PLEKHH2: variants seen among roughly 807,000 people sequenced by gnomAD.
PLEKHH2 encodes the protein pleckstrin homology, MyTH4 and FERM domain containing H2.
Under a neutral mutation model 187.9 loss-of-function variants are expected in PLEKHH2, and 129 were observed. The observed-to-expected ratio is 0.69, with a 90% CI of 0.59 to 0.79. The LOEUF is 0.79. Ranked by LOEUF, PLEKHH2 falls within the 30% of genes least tolerant of loss-of-function variation. The probability of loss-of-function intolerance (pLI) is 0.00; values close to 1 mark genes in which losing one functional copy is unlikely to be tolerated. For synonymous variants in PLEKHH2, 686 were observed against 605.6 expected, an observed-to-expected ratio of 1.13 and a Z score of -1.95; for missense variants, 2,076 against 1,751.2, an observed-to-expected ratio of 1.19 and a Z score of -3.31.
chr2:43,684,539 C>T (rs975367903), intron 3 of PLEKHH2, among the ~76,000 whole-genome samples: 3 of 151,988 alleles, frequency 2.0e-5, no homozygotes, highest in Admixed American at 6.6e-5. Flanking sequence ...ACCCGCCCCC[C>T]ACCGACCCCT....
intron 2 of PLEKHH2, among the ~76,000 whole-genome samples, chr2:43,671,310 A>G (rs1400539688): frequency 2.0e-5 from 3 of 152,184 alleles, no homozygotes; most frequent in Non-Finnish European, 4.4e-5. Flanking sequence ...ATATAGAAAT[A>G]CAACAGATTT....
chr2:43,765,121 C>T (rs562140024), intron 29 of PLEKHH2, among the ~76,000 whole-genome samples: 1 of 152,308 alleles, frequency 6.6e-6, no homozygotes, highest in African/African-American at 2.4e-5. Flanking sequence ...ACTAATGTGG[C>T]TTTATGATAA....
intron 3 of PLEKHH2, among the ~76,000 whole-genome samples, chr2:43,687,539 C>G (rs910654027): frequency 6.6e-6 from 1 of 152,158 alleles, no homozygotes; most frequent in Non-Finnish European, 1.5e-5. Context: ...TCAAATGGTA[C>G]TTCTGTTTCT....
chr2:43,655,299 AT>A (rs772641189), intron 2 of PLEKHH2, among the ~76,000 whole-genome samples: 61 of 152,280 alleles, frequency 4.0e-4, no homozygotes, highest in African/African-American at 1.3e-3. Flanking sequence ...CAACAAAAAA[AT>A]ATCTGTATAG....
At chr2:43,704,806 T>G (rs1251310281) in intron 9 of PLEKHH2, among the ~76,000 whole-genome samples, 2 of 152,056 alleles carry the variant, frequency 1.3e-5, no homozygotes, top group Non-Finnish European at 2.9e-5. Flanking sequence ...TTCATTGGAA[T>G]AAAGAGTTGT....
In PLEKHH2 at chr2:43,762,307, A is replaced by G. The variant is rs1297046593; in HGVS notation, c.4075A>G (p.Ile1359Val). The part of the protein sequence containing the change: ...FGAKLFLAKP[I>V]TPSSLGSTFL... ...GTGTATTTTCACCTCTTCATAGCCC[A>G]TAACTCCATCATCACTTGGAAGTAC... Residue 1359 changes from isoleucine (I) to valine (V), a missense_variant, in exon 28 of 30, where the codon ATA becomes GTA. Ile to Val is a conservative substitution (Grantham distance 29). Transcript: ENST00000282406. 7 of 1,609,710 alleles carry G rather than the reference A, an allele frequency of 4.3e-6. No individual in the cohort carries two copies. The highest frequency in any genetic ancestry group is 4.3e-6 in the Non-Finnish European group (5 of 1,176,090).
intron 24 of PLEKHH2, among the ~76,000 whole-genome samples, chr2:43,751,369 G>A (rs1185630289): frequency 6.6e-6 from 1 of 152,144 alleles, no homozygotes; most frequent in Admixed American, 6.5e-5. Context: ...AGTGAAGGAA[G>A]GGTGAACAGA....
intron 2 of PLEKHH2, among the ~76,000 whole-genome samples, chr2:43,658,515 A>G (rs1336004541): frequency 2.0e-5 from 3 of 152,238 alleles, no homozygotes; most frequent in Non-Finnish European, 4.4e-5. Flanking sequence ...ATGAGGTTGC[A>G]GTCAAAATGT....
chr2:43,637,713 G>A (rs1403557500), intron 1 of PLEKHH2, among the ~76,000 whole-genome samples: 1 of 152,292 alleles, frequency 6.6e-6, no homozygotes, highest in East Asian at 1.9e-4. Flanking sequence ...AGCGGTCCCG[G>A]GGGCGCAGCG....
chr2:43,739,851 C>T (rs1208602909), intron 20 of PLEKHH2, among the ~76,000 whole-genome samples: 1 of 152,222 alleles, frequency 6.6e-6, no homozygotes, highest in Non-Finnish European at 1.5e-5. Context: ...CTTCCGTAGA[C>T]TTTATAGTCC....
chr2:43,731,461 T>G (rs1469404113), intron 18 of PLEKHH2, 29 bp from the exon 19 acceptor site: 1 of 1,421,672 alleles, frequency 7.0e-7, no homozygotes, highest in East Asian at 2.3e-5. Flanking sequence ...TTTATTCAGT[T>G]TTCTGTTCAT....
chr2:43,765,331 C>T (rs1363108478), intron 29 of PLEKHH2, 82 bp from the exon 30 acceptor site: 2 of 1,359,896 alleles, frequency 1.5e-6, no homozygotes, highest in African/African-American at 2.9e-5. Flanking sequence ...AAATGGAGCT[C>T]ACCTGTGGCC....
chr2:43,702,217 A>G (rs1222665260), intron 8 of PLEKHH2, among the ~76,000 whole-genome samples: 1 of 152,202 alleles, frequency 6.6e-6, no homozygotes, highest in Non-Finnish European at 1.5e-5. Context: ...TTTGTGACTG[A>G]TGCAGTTTTA....
intron 15 of PLEKHH2, among the ~76,000 whole-genome samples, chr2:43,713,118 G>A (rs377040795): frequency 2.9e-5 from 3 of 102,588 alleles, no homozygotes; most frequent in Non-Finnish European, 6.2e-5. Context: ...ACACACACAC[G>A]CATATATATC....
intron 8 of PLEKHH2, 82 bp from the exon 9 acceptor site, chr2:43,703,899 T>A: frequency 2.4e-6 from 2 of 828,702 alleles, no homozygotes; most frequent in Non-Finnish European, 3.8e-6. Flanking sequence ...ATGAAAAACA[T>A]GTGTATTGAA....
intron 4 of PLEKHH2, 29 bp downstream of exon 4, chr2:43,692,692 AGT>A (rs769275171): frequency 6.3e-7 from 1 of 1,599,968 alleles, no homozygotes; most frequent in Admixed American, 1.7e-5. Context: ...AAGAGTTCTA[AGT>A]GTGTGCACTC....
At position 43,728,690 on chromosome 2, in the gene PLEKHH2, C is replaced by T. The variant is rs1252569063; in HGVS notation, c.2722-947C>T. Among the ~76,000 whole-genome samples the T allele has an allele frequency of 1.3e-5, 2 of 150,854 alleles. 1 individual carries two copies. Among genetic ancestry groups the T allele is most frequent in the South Asian group, 4.2e-4 (2 of 4,746 alleles). ...GATTCTTCTGCCTCAGCCTCCCGAA[C>T]AGCTGGGACTACAGGCATGCACCAC... On this transcript the variant is annotated intron_variant, in intron 17 of 29. Transcript: ENST00000282406.
At chr2:43,692,730 AAAG>A in intron 4 of PLEKHH2, 67 bp downstream of exon 4, 2 of 1,492,580 alleles carry the variant, frequency 1.3e-6, no homozygotes, top group East Asian at 4.6e-5. Flanking sequence ...CAAAGATTAA[AAAG>A]AGAGAGCCTA....
intron 10 of PLEKHH2, 138 bp from the exon 11 acceptor site, chr2:43,707,263 G>A: frequency 2.8e-6 from 2 of 706,946 alleles, no homozygotes; most frequent in African/African-American, 1.9e-5. Flanking sequence ...TATCTAAAAA[G>A]AGTGATAACC....
Sources: gnomAD v4.1 joint callset for allele counts (sites outside exome capture counted in the v4.1 genomes callset) on GRCh38, gnomAD v4.1.1 for gene constraint, MANE v1.5 for transcripts, NCBI Gene and HGNC (gene_info 2026-07-23, HGNC 2026-07-21) for gene names.